The following ZNF148 variants were observed in gnomAD, a reference collection of about 807,000 sequenced individuals.
ZNF148 encodes zinc finger protein 148, also known as Beta-Enolase Repressor Factor-1.
ZNF148 carries 7 observed loss-of-function variants against 67.7 expected under a neutral mutation model. That is an observed-to-expected ratio of 0.10 (90% CI 0.06 to 0.19). The LOEUF is 0.19. ZNF148 is among the 10% of genes least tolerant of loss of function. The pLI is 1.00. For synonymous variants in ZNF148, 333 were observed against 330.7 expected (o/e 1.01, Z -0.08); for missense variants, 583 against 947.1 (o/e 0.62, Z 5.05).
At chr3:125,244,337 CA>C (rs1936500558) in intron 7 of ZNF148, among the ~76,000 whole-genome samples, 1 of 152,180 alleles carries the variant, frequency 6.6e-6, no homozygotes, top group South Asian at 2.1e-4. Flanking sequence ...TAATCTAGCT[CA>C]CTATGGTTTG....
chr3:125,235,894 G>T (rs1936064458), intron 7 of ZNF148, among the ~76,000 whole-genome samples: 1 of 134,864 alleles, frequency 7.4e-6, no homozygotes, highest in South Asian at 2.3e-4. Flanking sequence ...GGTGGGAATT[G>T]AACAATGAGA....
At chr3:125,338,958 T>C (rs1941607938) in intron 1 of ZNF148, 1 of 152,192 alleles carries the variant, frequency 6.6e-6, no homozygotes, top group African/African-American at 2.4e-5. Flanking sequence ...GGGAATCATT[T>C]TTAATCTGAT....
At chr3:125,298,081 G>A (rs1939377436) in intron 4 of ZNF148, among the ~76,000 whole-genome samples, 1 of 152,064 alleles carries the variant, frequency 6.6e-6, no homozygotes, top group Admixed American at 6.5e-5. Context: ...AGTATATAGT[G>A]CCTATGATTC....
chr3:125,248,920 G>A (rs1442012328), intron 7 of ZNF148, among the ~76,000 whole-genome samples: 2 of 152,132 alleles, frequency 1.3e-5, no homozygotes, highest in Non-Finnish European at 2.9e-5. Flanking sequence ...TTCTTAAAGT[G>A]TCATCTTAAA....
intron 1 of ZNF148, among the ~76,000 whole-genome samples, chr3:125,348,120 C>T (rs1440184219): frequency 1.3e-5 from 2 of 151,526 alleles, no homozygotes; most frequent in Non-Finnish European, 2.9e-5. Context: ...ATTAGCTGGG[C>T]GTGGTGGCAT....
rs1044694829 is a variant in ZNF148 at position 125,331,271 on chromosome 3, A to G, written c.-233-33T>C. ...AGTACACAAATACAGGTTAACCCCC[A>G]AAAGAATCAGGATTAAACATAGTCT... On this transcript the variant is annotated intron_variant, in intron 1 of 8. Coordinates refer to ENST00000360647, the MANE Select transcript of ZNF148 (RefSeq NM_021964.3). 87 of 398,480 alleles carry G rather than the reference A, an allele frequency of 2.2e-4. 1 individual carries two copies. The East Asian group carries it at 3.1e-3, about 14-fold the overall frequency. The allele number at this position is 398,480 out of a possible 1,614,324, so 24.7% of individuals were successfully genotyped here.
At position 125,228,925 on chromosome 3, in the gene ZNF148, A is replaced by G. The variant is rs1383131727; in HGVS notation, c.*3416T>C. 6.6e-6 allele frequency: 1 copy of G among 152,572 alleles called. No homozygotes were observed. The highest frequency in any genetic ancestry group is 1.9e-4 in the East Asian group (1 of 5,198). 9.5% of individuals were successfully genotyped at this position (152,572 alleles called of 1,614,324 possible). ...AAGAAAGCAACAAACATAACAAGAA[A>G]TGTTTGTCTGCTTTAGTTTGTTTCC... On this transcript the variant is annotated 3_prime_UTR_variant, in exon 9 of 9. Coordinates refer to ENST00000360647, the MANE Select transcript of ZNF148 (RefSeq NM_021964.3).
intron 4 of ZNF148, 37 bp downstream of exon 4, chr3:125,313,271 G>A: frequency 6.6e-7 from 1 of 1,525,260 alleles, no homozygotes; most frequent in East Asian, 2.3e-5. Context: ...AAAAAATTAT[G>A]TTTCTAAGTT....
intron 1 of ZNF148, among the ~76,000 whole-genome samples, chr3:125,363,772 C>A (rs1942617212): frequency 6.6e-6 from 1 of 152,068 alleles, no homozygotes; most frequent in African/African-American, 2.4e-5. Flanking sequence ...GCCTCAGCCT[C>A]CCGTGCACCT....
chr3:125,232,170 C>A lies in ZNF148; in HGVS notation c.*171G>T, dbSNP rs1038256015. ...AACATGTAAGGCAGTTCAAAGAATG[C>A]TGACTAACCAAACGAAATGCAGTTA... is the stretch of plus-strand genomic sequence containing the variant. On this transcript the variant is annotated 3_prime_UTR_variant, in exon 9 of 9. Transcript: ENST00000360647. The surrounding 1 kb of genome is among the most constrained non-coding windows in gnomAD (Gnocchi z 4.2). 5.6e-5 allele frequency: 43 copies of A among 769,134 alleles called. No homozygotes were observed. In the African/African-American group the frequency reaches 6.7e-4, roughly 12 times the overall value. 47.6% of individuals were successfully genotyped at this position (769,134 alleles called of 1,614,324 possible). A position where few individuals can be genotyped will look rare whatever the true frequency, so the allele number is the denominator to read the frequency against.
chr3:125,309,999 G>C (rs1940111731), intron 4 of ZNF148, among the ~76,000 whole-genome samples: 1 of 150,896 alleles, frequency 6.6e-6, no homozygotes, highest in Non-Finnish European at 1.5e-5. Flanking sequence ...ACTAATAACA[G>C]AATGGTAGCT....
rs752542874 is a variant in ZNF148 at position 125,317,662 on chromosome 3, T to TATATATAGAGAGAG, written c.-16-4007_-16-4006insCTCTCTCTATATAT. On this transcript the variant is annotated intron_variant, in intron 3 of 8. Transcript: ENST00000360647. ...GATCTTTTATATATATATATATATA[T>TATATATAGAGAGAG]AGAGAGAGAGAGAGAGAAATACATA... 8.1e-3 allele frequency among the ~76,000 whole-genome samples: 727 copies of TATATATAGAGAGAG among 89,998 alleles called. 11 individuals are homozygous for TATATATAGAGAGAG. The highest frequency in any genetic ancestry group is 0.057 in the Middle Eastern group (7 of 122). 59.0% of individuals were successfully genotyped at this position (89,998 alleles called of 152,430 possible). A position where few individuals can be genotyped will look rare whatever the true frequency, so the allele number is the denominator to read the frequency against.
At chr3:125,253,081 T>C (rs1281570978) in intron 7 of ZNF148, among the ~76,000 whole-genome samples, 3 of 152,170 alleles carry the variant, frequency 2.0e-5, no homozygotes, top group Admixed American at 6.5e-5. Context: ...TTAACTGAAA[T>C]TGCATTTAAT....
intron 7 of ZNF148, among the ~76,000 whole-genome samples, chr3:125,276,015 T>C (rs977565983): frequency 6.6e-6 from 1 of 152,192 alleles, no homozygotes; most frequent in African/African-American, 2.4e-5. Flanking sequence ...TGCTTATATG[T>C]GTGTTTTTCC....
At chr3:125,246,629 T>C (rs1293598299) in intron 7 of ZNF148, among the ~76,000 whole-genome samples, 1 of 152,136 alleles carries the variant, frequency 6.6e-6, no homozygotes. Context: ...ATGTTAGCTA[T>C]TAAGAACAGG....
intron 7 of ZNF148, among the ~76,000 whole-genome samples, chr3:125,239,581 T>C (rs186438666): frequency 2.0e-4 from 30 of 152,254 alleles, no homozygotes; most frequent in Non-Finnish European, 3.4e-4. Flanking sequence ...AACTGTAAAA[T>C]GGTATTAAGT....
At chr3:125,365,521 T>C (rs989056606) in intron 1 of ZNF148, among the ~76,000 whole-genome samples, 10 of 152,128 alleles carry the variant, frequency 6.6e-5, no homozygotes, top group African/African-American at 2.4e-4. Flanking sequence ...TTTCTACAAC[T>C]CTAAATTTCC....
intron 1 of ZNF148, chr3:125,344,639 A>G (rs980974709): frequency 2.7e-5 from 19 of 702,956 alleles, no homozygotes; most frequent in Middle Eastern, 2.6e-4. Context: ...ATCTTACAGC[A>G]CCTCACATGC....
At chr3:125,290,588 C>A (rs1301069054) in intron 4 of ZNF148, among the ~76,000 whole-genome samples, 4 of 152,092 alleles carry the variant, frequency 2.6e-5, no homozygotes, top group Admixed American at 6.6e-5. Context: ...AGCTGTCATT[C>A]ATTTTCTCAT....
Sources: gnomAD v4.1 joint callset for allele counts (sites outside exome capture counted in the v4.1 genomes callset) on GRCh38, gnomAD v4.1.1 for gene constraint, Gnocchi (gnomAD v3.1) non-coding constraint, MANE v1.5 for transcripts, NCBI Gene and HGNC (gene_info 2026-07-23, HGNC 2026-07-21) for gene names.